Variants in ZBTB40 observed in about 807,000 individuals in gnomAD.
ZBTB40 encodes zinc finger and BTB domain-containing protein 40.
ZBTB40 carries 60 observed loss-of-function variants against 117.5 expected under a neutral mutation model. That is an observed-to-expected ratio of 0.51 (90% CI 0.41 to 0.63). The LOEUF (loss-of-function observed/expected upper bound fraction) is 0.63. ZBTB40 is among the 30% of genes least tolerant of loss of function. ZBTB40 has a pLI of 0.00. For missense variants in ZBTB40, 1,287 were observed against 1,498.5 expected (o/e 0.86, Z 2.33); for synonymous variants, 525 against 577.1 (o/e 0.91, Z 1.29).
In ZBTB40 at chr1:22,521,670, G is replaced by A. The variant is rs747620238; in HGVS notation, c.3211+12G>A. On this transcript the variant is annotated intron_variant, in intron 15 of 17. Coordinates refer to ENST00000375647, the MANE Select transcript of ZBTB40 (RefSeq NM_014870.4). The stretch of plus-strand genomic sequence containing the variant: ...AGCAGAACATGCAGGTGGAGTTTGG[G>A]TACCGCCGGCAGAGAGCGGGAGGGG... The A allele has an allele frequency of 4.0e-5, 65 of 1,614,072 alleles. No individual in the cohort carries two copies. The South Asian group carries it at 5.6e-4, about 14-fold the overall frequency.
intron 1 of ZBTB40, among the ~76,000 whole-genome samples, chr1:22,487,692 C>T (rs1406261882): frequency 6.6e-6 from 1 of 151,992 alleles, no homozygotes; most frequent in African/African-American, 2.4e-5. Flanking sequence ...TAATAGAGCC[C>T]GTCTCCAGCA....
chr1:22,514,926 G>A (rs971715855), intron 12 of ZBTB40, among the ~76,000 whole-genome samples: 7 of 152,090 alleles, frequency 4.6e-5, no homozygotes, highest in African/African-American at 9.7e-5. Context: ...ATAAATATAC[G>A]CACCCCTGTC....
At chr1:22,497,145 T>A (rs1485818568) in intron 3 of ZBTB40, among the ~76,000 whole-genome samples, 1 of 152,234 alleles carries the variant, frequency 6.6e-6, no homozygotes, top group Non-Finnish European at 1.5e-5. Context: ...ATTAATTGTG[T>A]ATACAGCAAA....
chr1:22,458,102 C>T (rs1641044560), intron 1 of ZBTB40, among the ~76,000 whole-genome samples: 1 of 152,216 alleles, frequency 6.6e-6, no homozygotes, highest in African/African-American at 2.4e-5. Flanking sequence ...ATTTCTTCTA[C>T]CCTTTCTCTT....
chr1:22,519,711 A>G (rs1027959907), intron 13 of ZBTB40: 2 of 354,280 alleles, frequency 5.6e-6, no homozygotes. Flanking sequence ...AGAAAACTCC[A>G]GAATGCCCAC....
At chr1:22,454,069 C>A (rs952899473) in intron 1 of ZBTB40, among the ~76,000 whole-genome samples, 10 of 152,184 alleles carry the variant, frequency 6.6e-5, no homozygotes, top group African/African-American at 2.2e-4. Context: ...TCTGCCTCAA[C>A]CTCCTGAATG....
intron 1 of ZBTB40, among the ~76,000 whole-genome samples, chr1:22,470,691 A>T (rs762777900): frequency 2.0e-5 from 3 of 152,220 alleles, no homozygotes; most frequent in Non-Finnish European, 4.4e-5. Context: ...AGACAAAGCA[A>T]TGCAACTATA....
intron 1 of ZBTB40, among the ~76,000 whole-genome samples, chr1:22,438,671 C>T (rs751000138): frequency 4.1e-4 from 63 of 152,238 alleles, no homozygotes; most frequent in Middle Eastern, 6.8e-3. Context: ...CACAACCTTG[C>T]CAACACTTAC....
rs1248498068 is a variant in ZBTB40 at position 22,528,516 on chromosome 1, T to A, written c.*2120T>A. 2 of 152,352 alleles carry A rather than the reference T, an allele frequency of 1.3e-5. No individual in the cohort carries two copies. Among genetic ancestry groups the A allele is most frequent in the Non-Finnish European group, 2.9e-5 (2 of 68,046 alleles). 9.4% of individuals were successfully genotyped at this position (152,352 alleles called of 1,614,324 possible). A position where few individuals can be genotyped will look rare whatever the true frequency, so the allele number is the denominator to read the frequency against. ...TCCAGTGTCAGATCCTTTCAAGCAC[T>A]GAGAAATTCTTTCTCAGGTTTCTTT... On this transcript the variant is annotated 3_prime_UTR_variant, in exon 18 of 18. Coordinates refer to ENST00000375647, the MANE Select transcript of ZBTB40 (RefSeq NM_014870.4).
intron 12 of ZBTB40, among the ~76,000 whole-genome samples, chr1:22,516,883 C>T (rs1033777774): frequency 2.6e-5 from 4 of 152,234 alleles, no homozygotes; most frequent in Admixed American, 2.6e-4. Context: ...GCTTTCATTC[C>T]TCTCTGAATC....
At chr1:22,518,739 G>A (rs532530250) in intron 13 of ZBTB40, among the ~76,000 whole-genome samples, 1 of 152,292 alleles carries the variant, frequency 6.6e-6, no homozygotes, top group South Asian at 2.1e-4. Flanking sequence ...TTCCCTCCAA[G>A]CAGTTTACAA....
intron 8 of ZBTB40, 137 bp from the exon 9 acceptor site, chr1:22,508,963 C>A: frequency 7.3e-7 from 1 of 1,361,928 alleles, no homozygotes; most frequent in Non-Finnish European, 1.0e-6. Flanking sequence ...TGCTATTTGC[C>A]GTTTTCCCCA....
chr1:22,487,657 T>A (rs1256575561), intron 1 of ZBTB40, among the ~76,000 whole-genome samples: 1 of 152,044 alleles, frequency 6.6e-6, no homozygotes, highest in East Asian at 1.9e-4. Flanking sequence ...GAAGCCCTCA[T>A]TGATTTTCTC....
At chr1:22,501,032 G>T (rs531890392) in intron 3 of ZBTB40, among the ~76,000 whole-genome samples, 1 of 152,284 alleles carries the variant, frequency 6.6e-6, no homozygotes, top group African/African-American at 2.4e-5. Context: ...GGTATAATTA[G>T]GTAAGAAGTG....
chr1:22,521,359 G>A (rs865807458), intron 14 of ZBTB40, 137 bp from the exon 15 acceptor site: 59 of 1,094,416 alleles, frequency 5.4e-5, no homozygotes, highest in South Asian at 4.2e-4. Context: ...ATCAGCACCC[G>A]GTGTGATAGG....
intron 11 of ZBTB40, 100 bp downstream of exon 11, chr1:22,512,234 T>G: frequency 7.4e-7 from 1 of 1,352,304 alleles, no homozygotes; most frequent in Non-Finnish European, 1.0e-6. Context: ...GGGCTGTGGG[T>G]GGGCTTAGAA....
At chr1:22,455,878 G>A (rs1355683950) in intron 1 of ZBTB40, among the ~76,000 whole-genome samples, 1 of 151,992 alleles carries the variant, frequency 6.6e-6, no homozygotes, top group African/African-American at 2.4e-5. Context: ...CTGCAATGAT[G>A]CTTTGAACTG....
chr1:22,490,438 G>T lies in ZBTB40; in HGVS notation c.490G>T (p.Ala164Ser). The T allele has an allele frequency of 6.2e-7, 1 of 1,606,678 alleles. No homozygotes were observed. The highest frequency in any genetic ancestry group is 8.5e-7 in the Non-Finnish European group (1 of 1,175,356). The stretch of plus-strand genomic sequence containing the variant: ...AGAGCCTCATTCTTCCCCAGAGCTT[G>T]CTGCCACTCCAGGGGGCCCTGTGAA... Reference protein sequence around the residue: ...AGEPHSSPELAATPGGPVKAE... With the variant: ...AGEPHSSPELSATPGGPVKAE... The change falls in exon 2 of 18, where the codon GCT (alanine) becomes TCT (serine). Residue 164 changes from alanine (A) to serine (S), a missense_variant. Physicochemically the swap from Ala to Ser is moderately conservative, Grantham distance 99. Transcript: ENST00000375647.
intron 15 of ZBTB40, 136 bp downstream of exon 15, chr1:22,521,794 C>A: frequency 7.8e-7 from 1 of 1,281,594 alleles, no homozygotes; most frequent in Non-Finnish European, 1.1e-6. Flanking sequence ...CCCAGCGCAC[C>A]TGTCCGTAGC....
Sources: allele counts gnomAD v4.1 joint callset (sites outside exome capture counted in the v4.1 genomes callset), GRCh38; gene constraint gnomAD v4.1.1; transcripts MANE v1.5; gene names NCBI Gene and HGNC (gene_info 2026-07-23, HGNC 2026-07-21).